GNA13: variants seen among roughly 807,000 people sequenced by gnomAD.
GNA13 encodes G protein subunit alpha 13.
In GNA13, 4 loss-of-function variants were observed where a neutral mutation model predicts 33.5. The observed-to-expected ratio is 0.12, with a 90% CI of 0.06 to 0.27. The LOEUF (loss-of-function observed/expected upper bound fraction) is 0.27. Ranked by LOEUF, GNA13 falls within the 10% of genes least tolerant of loss-of-function variation. GNA13 has a pLI of 1.00. For synonymous variants in GNA13, 176 were observed against 183.8 expected (o/e 0.96, Z 0.34); for missense variants, 319 against 487.2 (o/e 0.65, Z 3.25).
chr17:65,053,726 T>A lies in GNA13; in HGVS notation c.286A>T (p.Met96Leu). 1 of 1,598,288 alleles carries A rather than the reference T, an allele frequency of 6.3e-7. No individual in the cohort carries two copies. The highest frequency in any genetic ancestry group is 1.1e-5 in the South Asian group (1 of 90,066). ...PTIYSNVIKG[M>L]RVLVDAREKL... The stretch of plus-strand genomic sequence containing the variant: ...TCTCGAGCATCAACCAGCACCCTCA[T>A]ACCTTTGTTTAAAAAGAAGAAAAAA... The change falls in exon 2 of 4, where the codon ATG becomes TTG. Residue 96 changes from methionine (M) to leucine (L), a missense_variant and splice_region_variant. By Grantham distance (15) the Met-to-Leu change is conservative (BLOSUM62 2). Coordinates refer to ENST00000439174, the MANE Select transcript of GNA13 (RefSeq NM_006572.6).
At chr17:65,041,575 TTAAC>T (rs760459550) in intron 2 of GNA13, among the ~76,000 whole-genome samples, 14 of 152,162 alleles carry the variant, frequency 9.2e-5, no homozygotes, top group Non-Finnish European at 1.5e-4. Context: ...AACACCCTCT[TTAAC>T]TAAGTACTCT....
At chr17:65,049,764 C>T (rs1016700283) in intron 2 of GNA13, among the ~76,000 whole-genome samples, 2 of 152,204 alleles carry the variant, frequency 1.3e-5, no homozygotes, top group African/African-American at 4.8e-5. Flanking sequence ...ACACAGATCA[C>T]TGGGTCCCAT....
chr17:65,024,765 C>T (rs752370248), intron 2 of GNA13, among the ~76,000 whole-genome samples: 2 of 152,170 alleles, frequency 1.3e-5, no homozygotes, highest in African/African-American at 2.4e-5. Context: ...ATATTTTACT[C>T]AAAACTAGAT....
chr17:65,031,895 AAAGAGAGAGAG>A (rs2143797037), intron 2 of GNA13, among the ~76,000 whole-genome samples: 268 of 136,152 alleles, frequency 2.0e-3, no homozygotes, highest in Non-Finnish European at 3.7e-3. Context: ...AGAGAGAGAG[AAAGAGAGAGAG>A]AGAGAGAGAG....
chr17:65,036,471 C>G (rs1907252184), intron 2 of GNA13, among the ~76,000 whole-genome samples: 1 of 152,164 alleles, frequency 6.6e-6, no homozygotes, highest in South Asian at 2.1e-4. Context: ...TTTGGGAGAC[C>G]AAGGTGGGTG....
chr17:65,019,552 T>C (rs1321729401), intron 2 of GNA13, among the ~76,000 whole-genome samples: 1 of 152,056 alleles, frequency 6.6e-6, no homozygotes, highest in Non-Finnish European at 1.5e-5. Context: ...CTATGTTAAG[T>C]GAAGTAAGAC....
At chr17:65,034,937 C>T (rs986985168) in intron 2 of GNA13, among the ~76,000 whole-genome samples, 2 of 152,170 alleles carry the variant, frequency 1.3e-5, no homozygotes, top group Non-Finnish European at 2.9e-5. Flanking sequence ...AGGCATGTAA[C>T]ACCACGCCTG....
Position 65,041,508 on chromosome 17 carries a change from A to T in GNA13, c.510+11994T>A, listed in dbSNP as rs970296612. Reference sequence around the variant, plus strand: ...ACAAAAAACATGGAATCTAAAAAAAAAAATATATATGTATTTTGTGAACAT... The same window carrying T: ...ACAAAAAACATGGAATCTAAAAAAATAAATATATATGTATTTTGTGAACAT... On this transcript the variant is annotated intron_variant, in intron 2 of 3. Transcript: ENST00000439174. 4.6e-4 allele frequency among the ~76,000 whole-genome samples: 70 copies of T among 152,240 alleles called. 1 individual carries two copies. The highest frequency in any genetic ancestry group is 9.4e-4 in the African/African-American group (39 of 41,486).
chr17:65,053,765 G>A (rs760852392), intron 1 of GNA13, 37 bp from the exon 2 acceptor site: 2 of 1,239,184 alleles, frequency 1.6e-6, no homozygotes, highest in Non-Finnish European at 2.4e-6. Flanking sequence ...GTATGGAGAG[G>A]AGTCATTACA....
In GNA13 at chr17:65,014,929, T is replaced by C. The variant is rs1453065576; in HGVS notation, c.562-100A>G. On this transcript the variant is annotated intron_variant, in intron 3 of 3. Transcript: ENST00000439174. The surrounding 1 kb of genome is among the most constrained non-coding windows in gnomAD (Gnocchi z 5.3). ...CTAGTGAATAGATATGCAAACAAAA[T>C]GATCTTTTAAGTGACATTTTCAGAT... 4.4e-6 allele frequency: 3 copies of C among 681,606 alleles called. No homozygotes were observed. The highest frequency in any genetic ancestry group is 5.6e-5 in the Admixed American group (2 of 35,914). 42.2% of individuals were successfully genotyped at this position (681,606 alleles called of 1,614,324 possible).
In GNA13 at chr17:65,053,704, C is replaced by A. The variant is rs200512437; in HGVS notation, c.308G>T (p.Arg103Leu). 6.2e-7 allele frequency: 1 copy of A among 1,612,618 alleles called. No homozygotes were observed. Among genetic ancestry groups the A allele is most frequent in the Admixed American group, 1.7e-5 (1 of 59,978 alleles). The stretch of plus-strand genomic sequence containing the variant: ...TCCCCAGGGAATATGAAGCTTCTCT[C>A]GAGCATCAACCAGCACCCTCATACC... ...IKGMRVLVDA[R>L]EKLHIPWGDN... Residue 103 changes from arginine to leucine, a missense_variant, in exon 2 of 4, where the codon CGA becomes CTA. Physicochemically the swap from Arg to Leu is moderately radical, Grantham distance 102. Coordinates refer to ENST00000439174, the MANE Select transcript of GNA13 (RefSeq NM_006572.6).
At chr17:65,045,191 G>A (rs1907615130) in intron 2 of GNA13, among the ~76,000 whole-genome samples, 1 of 151,930 alleles carries the variant, frequency 6.6e-6, no homozygotes, top group Admixed American at 6.6e-5. Flanking sequence ...CAGCTAACTG[G>A]TTGCCATTAA....
intron 2 of GNA13, among the ~76,000 whole-genome samples, chr17:65,042,109 C>T (rs183515335): frequency 3.9e-4 from 60 of 152,066 alleles, no homozygotes; most frequent in Admixed American, 1.4e-3. Context: ...CTGTAATCCC[C>T]GCACTTAGGG....
At chr17:65,023,606 G>C (rs1265762602) in intron 2 of GNA13, among the ~76,000 whole-genome samples, 3 of 152,204 alleles carry the variant, frequency 2.0e-5, no homozygotes, top group African/African-American at 7.2e-5. Flanking sequence ...CTCTGGTAAA[G>C]TCATTTCGAC....
rs186192537 is a variant in GNA13, at chr17:65,029,088, T to C, written c.511-10785A>G. Among the ~76,000 whole-genome samples, 88 of 152,324 alleles carry C rather than the reference T, an allele frequency of 5.8e-4. 2 individuals are homozygous for C. The South Asian group carries it at 9.7e-3, about 17-fold the overall frequency. On this transcript the variant is annotated intron_variant, in intron 2 of 3. Coordinates refer to ENST00000439174, the MANE Select transcript of GNA13 (RefSeq NM_006572.6). The stretch of plus-strand genomic sequence containing the variant: ...TGAAGGATCAAGGATACTGTTCAGT[T>C]GTGCTGCTGAGTCAAAAAGTATTTA...
chr17:65,017,202 G>A (rs1168610132), intron 3 of GNA13, among the ~76,000 whole-genome samples: 6 of 152,108 alleles, frequency 3.9e-5, no homozygotes, highest in Non-Finnish European at 7.4e-5. Context: ...TCAGAAACAC[G>A]CCGGGCCCTG....
At chr17:65,016,714 A>G (rs1413109585) in intron 3 of GNA13, among the ~76,000 whole-genome samples, 1 of 152,232 alleles carries the variant, frequency 6.6e-6, no homozygotes, top group Non-Finnish European at 1.5e-5. Flanking sequence ...GGCAACCAAC[A>G]GCCATTCATT....
At chr17:65,021,967 T>C (rs1906597613) in intron 2 of GNA13, among the ~76,000 whole-genome samples, 1 of 152,196 alleles carries the variant, frequency 6.6e-6, no homozygotes, top group South Asian at 2.1e-4. Context: ...TGAATTACTA[T>C]TATGGCAGAA....
intron 2 of GNA13, among the ~76,000 whole-genome samples, chr17:65,031,921 A>AGTGTGTGTGTGTGTGTGT (rs148637639): frequency 4.0e-4 from 37 of 91,690 alleles, no homozygotes; most frequent in Non-Finnish European, 7.6e-4. Context: ...AGAGAGAGAG[A>AGTGTGTGTGTGTGTGTGT]GTGTGTGTGT....
Sources: allele counts gnomAD v4.1 joint callset (sites outside exome capture counted in the v4.1 genomes callset), GRCh38; gene constraint gnomAD v4.1.1; non-coding constraint Gnocchi (gnomAD v3.1); transcripts MANE v1.5; gene names NCBI Gene and HGNC (gene_info 2026-07-23, HGNC 2026-07-21).